COP1: variants seen among roughly 807,000 people sequenced by gnomAD.
COP1 encodes the protein E3 ubiquitin-protein ligase COP1.
A neutral mutation model predicts 101.3 loss-of-function variants in COP1; 24 were observed. The ratio of observed to expected loss-of-function variants is 0.24; its 90% confidence interval spans 0.17 to 0.33. COP1 has a LOEUF of 0.33. Ranked by LOEUF, COP1 falls within the 10% of genes least tolerant of loss-of-function variation. The probability of loss-of-function intolerance (pLI) is 1.00; values close to 1 mark genes in which losing one functional copy is unlikely to be tolerated. For synonymous variants in COP1, 347 were observed against 341.9 expected (o/e 1.01, Z -0.17); for missense variants, 663 against 906.2 (o/e 0.73, Z 3.45).
intron 15 of COP1, among the ~76,000 whole-genome samples, chr1:176,012,391 G>C (rs1180100857): frequency 6.6e-6 from 1 of 152,136 alleles, no homozygotes; most frequent in Non-Finnish European, 1.5e-5. Context: ...CTCCCAAAGT[G>C]CTGGGATTAT....
At chr1:176,133,230 G>A (rs1319284543) in intron 8 of COP1, among the ~76,000 whole-genome samples, 2 of 138,432 alleles carry the variant, frequency 1.4e-5, no homozygotes, top group African/African-American at 2.6e-5. Context: ...ATATACGTAC[G>A]TATATGTACG....
At chr1:176,133,210 ACACATACGTATATACG>A (rs1689215484) in intron 8 of COP1, among the ~76,000 whole-genome samples, 1 of 150,072 alleles carries the variant, frequency 6.7e-6, no homozygotes, top group Non-Finnish European at 1.5e-5. Context: ...ACGTATGTAC[ACACATACGTATATACG>A]TACGTATATG....
chr1:176,171,279 T>C (rs1696023558), intron 3 of COP1, among the ~76,000 whole-genome samples: 1 of 152,200 alleles, frequency 6.6e-6, no homozygotes, highest in Admixed American at 6.5e-5. Flanking sequence ...CTTGTACTTC[T>C]ATGTTATGGA....
intron 11 of COP1, among the ~76,000 whole-genome samples, chr1:176,063,637 ACAT>A (rs1332971116): frequency 1.3e-5 from 2 of 152,156 alleles, no homozygotes; most frequent in African/African-American, 2.4e-5. Flanking sequence ...ACACAACCAA[ACAT>A]CATTAGTGGT....
At chr1:176,029,722 T>C (rs1018177846) in intron 14 of COP1, among the ~76,000 whole-genome samples, 2 of 152,156 alleles carry the variant, frequency 1.3e-5, no homozygotes, top group African/African-American at 4.8e-5. Context: ...AGAATATTTT[T>C]AGAAATACTG....
At chr1:176,006,864 T>C (rs1021145937) in intron 15 of COP1, among the ~76,000 whole-genome samples, 2 of 151,886 alleles carry the variant, frequency 1.3e-5, no homozygotes, top group Non-Finnish European at 2.9e-5. Flanking sequence ...TTTGTGGCGT[T>C]CTCTGTATTT....
chr1:175,986,993 C>T lies in COP1; in HGVS notation c.2083G>A (p.Asp695Asn), dbSNP rs1209327714. 1 of 1,611,548 alleles carries T rather than the reference C, an allele frequency of 6.2e-7. No individual in the cohort carries two copies. Among genetic ancestry groups the T allele is most frequent in the Middle Eastern group, 1.7e-4 (1 of 6,044 alleles). ...ACAGCACTAACAAATTCATTTGTATCATCTTCTTTTCGGTCTTTGTCGAGA... is the reference window on the plus strand; with the variant it reads ...ACAGCACTAACAAATTCATTTGTATTATCTTCTTTTCGGTCTTTGTCGAGA... ...SVLDKDRKEDDTNEFVSAVCW... is the reference protein window; with the variant it reads ...SVLDKDRKEDNTNEFVSAVCW... Residue 695 changes from aspartate (D) to asparagine (N), a missense_variant, in exon 18 of 20, where the codon GAT becomes AAT. By Grantham distance (23) the Asp-to-Asn change is conservative. This residue lies in a region of COP1 where 209 missense variants were observed against 383.3 expected (regional missense o/e 0.55). Coordinates refer to ENST00000367669, the MANE Select transcript of COP1 (RefSeq NM_022457.7).
chr1:176,023,963 T>A (rs1478988050), intron 15 of COP1, among the ~76,000 whole-genome samples: 1 of 151,648 alleles, frequency 6.6e-6, no homozygotes, highest in African/African-American at 2.4e-5. Flanking sequence ...AATATCATCA[T>A]AAGAAAACTA....
chr1:176,159,816 T>C (rs1194432345), intron 5 of COP1, among the ~76,000 whole-genome samples: 1 of 152,122 alleles, frequency 6.6e-6, no homozygotes, highest in East Asian at 1.9e-4. Flanking sequence ...CTTGCCAACT[T>C]CATATGGTGG....
intron 18 of COP1, among the ~76,000 whole-genome samples, chr1:175,964,179 G>A (rs546672837): frequency 1.3e-5 from 2 of 152,214 alleles, no homozygotes; most frequent in African/African-American, 4.8e-5. Context: ...AATACTTAAT[G>A]GTGATAGGAG....
chr1:176,008,908 A>T (rs1281658075), intron 15 of COP1, among the ~76,000 whole-genome samples: 1 of 152,342 alleles, frequency 6.6e-6, no homozygotes, highest in Admixed American at 6.5e-5. Context: ...ACTTAGCAGT[A>T]ACAAGATTTC....
chr1:176,115,981 A>T (rs1686121348), intron 9 of COP1, among the ~76,000 whole-genome samples: 1 of 152,204 alleles, frequency 6.6e-6, no homozygotes, highest in African/African-American at 2.4e-5. Context: ...ATTCAATGAC[A>T]GATTTATAAT....
chr1:176,046,602 C>A (rs555885796), intron 11 of COP1, among the ~76,000 whole-genome samples: 4 of 152,084 alleles, frequency 2.6e-5, no homozygotes, highest in Admixed American at 2.0e-4. Flanking sequence ...GTTCTAATAA[C>A]CATATTACAG....
chr1:176,054,869 A>G (rs1673181540), intron 11 of COP1, among the ~76,000 whole-genome samples: 1 of 152,186 alleles, frequency 6.6e-6, no homozygotes, highest in Admixed American at 6.5e-5. Flanking sequence ...TTTACAAAAA[A>G]AAGTTTTCCA....
intron 15 of COP1, among the ~76,000 whole-genome samples, chr1:176,010,696 T>G (rs572886225): frequency 6.6e-6 from 1 of 152,210 alleles, no homozygotes; most frequent in African/African-American, 2.4e-5. Context: ...AGGGAATCTG[T>G]CTCTCTTATT....
chr1:176,037,953 A>G (rs7541563), intron 14 of COP1, among the ~76,000 whole-genome samples: 140,754 of 152,184 alleles, frequency 0.92, 65,826 homozygotes, highest in East Asian at 1. Flanking sequence ...AAAGCAAGGC[A>G]GGAACGGGAA....
chr1:175,993,212 A>G (rs987496196), intron 15 of COP1, among the ~76,000 whole-genome samples: 1 of 152,236 alleles, frequency 6.6e-6, no homozygotes, highest in African/African-American at 2.4e-5. Flanking sequence ...ACTAACAAAC[A>G]GAAAGGACAT....
chr1:176,155,624 C>CA (rs1693329498), intron 5 of COP1, among the ~76,000 whole-genome samples: 1 of 151,364 alleles, frequency 6.6e-6, no homozygotes, highest in African/African-American at 2.4e-5. Flanking sequence ...TGTTCGCTGC[C>CA]AAAAAACAAA....
intron 11 of COP1, among the ~76,000 whole-genome samples, chr1:176,077,967 A>G (rs560989261): frequency 4.1e-4 from 62 of 152,260 alleles, no homozygotes; most frequent in African/African-American, 1.4e-3. Flanking sequence ...TACAATGAGA[A>G]CACAAAGCCC....
Sources: gnomAD v4.1 joint callset for allele counts (sites outside exome capture counted in the v4.1 genomes callset) on GRCh38, gnomAD v4.1.1 for gene constraint, gnomAD v4.1.1 regional missense constraint, MANE v1.5 for transcripts, NCBI Gene and HGNC (gene_info 2026-07-23, HGNC 2026-07-21) for gene names.